TMED3: variants seen among roughly 807,000 people sequenced by gnomAD.
The protein encoded by TMED3 is transmembrane p24 trafficking protein 3, also known as transmembrane emp24 domain-containing protein 3.
Under a neutral mutation model 15.0 loss-of-function variants are expected in TMED3, and 9 were observed. The observed-to-expected ratio is 0.60, with a 90% CI of 0.36 to 1.04. The LOEUF is 1.04. TMED3 is among the 50% of genes least tolerant of loss of function. The probability of loss-of-function intolerance (pLI) is 0.01; values close to 1 mark genes in which losing one functional copy is unlikely to be tolerated. For missense variants in TMED3, 267 were observed against 278.9 expected (o/e 0.96, Z 0.30); for synonymous variants, 117 against 121.4 (o/e 0.96, Z 0.24).
downstream of TMED3, among the ~76,000 whole-genome samples, chr15:79,327,307 A>G (rs546550932): frequency 5.9e-5 from 9 of 152,334 alleles, no homozygotes; most frequent in East Asian, 3.9e-4. Flanking sequence ...AAATCTGCCA[A>G]TGCCTTAATC....
chr15:79,409,178 G>A (rs921415140), intron 2 of TMED3, among the ~76,000 whole-genome samples: 5 of 152,204 alleles, frequency 3.3e-5, no homozygotes, highest in African/African-American at 2.4e-5. Context: ...AGGACAGGTC[G>A]AGGAGTTACA....
At chr15:79,341,758 G>T (rs972981377) in intron 2 of TMED3, among the ~76,000 whole-genome samples, 1 of 152,192 alleles carries the variant, frequency 6.6e-6, no homozygotes, top group Non-Finnish European at 1.5e-5. Flanking sequence ...AGGAAGGACC[G>T]CATGATCTCT....
At chr15:79,376,226 CTTTAAG>C (rs1391148386) in intron 2 of TMED3, among the ~76,000 whole-genome samples, 1 of 148,962 alleles carries the variant, frequency 6.7e-6, no homozygotes, top group Non-Finnish European at 1.5e-5. Flanking sequence ...AGAAAGATTT[CTTTAAG>C]TTAAAGTATA....
intron 2 of TMED3, among the ~76,000 whole-genome samples, chr15:79,368,055 C>T (rs560320685): frequency 1.3e-5 from 2 of 152,138 alleles, no homozygotes; most frequent in South Asian, 4.2e-4. Flanking sequence ...TGGTGGGGAC[C>T]CAGGTTTCTG....
At chr15:79,396,255 T>C (rs1893762044) in intron 2 of TMED3, among the ~76,000 whole-genome samples, 2 of 152,246 alleles carry the variant, frequency 1.3e-5, no homozygotes, top group African/African-American at 4.8e-5. Flanking sequence ...TGCCAACATT[T>C]GGTGGTATAA....
rs200000794 is a variant in TMED3 at position 79,338,730 on chromosome 15, A to AC, written c.417+24725_417+24726insC. 9.9e-3 allele frequency among the ~76,000 whole-genome samples: 1,513 copies of AC among 152,274 alleles called. 30 individuals are homozygous for AC. Among genetic ancestry groups the AC allele is most frequent in the African/African-American group, 0.034 (1,424 of 41,526 alleles). ...AGATAAGAGCTGAGGGGACATAGTGAGGAGTGACCAGAAGACAGAGTGCGA... is the reference window on the plus strand; with the variant it reads ...AGATAAGAGCTGAGGGGACATAGTGACGGAGTGACCAGAAGACAGAGTGCGA... On this transcript the variant is annotated intron_variant, in intron 2 of 2. Transcript: ENST00000424155.
chr15:79,314,792 G>A (rs1410169862), intron 2 of TMED3: 4 of 267,962 alleles, frequency 1.5e-5, no homozygotes, highest in Non-Finnish European at 3.1e-5. Flanking sequence ...GGCTGTCAAG[G>A]TTCATTATTC....
At chr15:79,339,650 GGGT>G (rs1364525498) in intron 2 of TMED3, among the ~76,000 whole-genome samples, 1 of 152,150 alleles carries the variant, frequency 6.6e-6, no homozygotes, top group African/African-American at 2.4e-5. Flanking sequence ...AGCTGCTAGC[GGGT>G]GGTGATGACA....
intron 2 of TMED3, among the ~76,000 whole-genome samples, chr15:79,396,295 T>G (rs1199370847): frequency 6.6e-6 from 1 of 152,218 alleles, no homozygotes; most frequent in African/African-American, 2.4e-5. Flanking sequence ...TGCTTGCAGA[T>G]TCTGTGAGTC....
downstream of TMED3, among the ~76,000 whole-genome samples, chr15:79,323,403 T>G (rs1302283282): frequency 6.6e-6 from 1 of 152,256 alleles, no homozygotes; most frequent in Admixed American, 6.5e-5. Flanking sequence ...AAGCCTCACT[T>G]ATTTAGCTTG....
At chr15:79,356,026 A>T (rs185603621) in intron 2 of TMED3, among the ~76,000 whole-genome samples, 11 of 152,342 alleles carry the variant, frequency 7.2e-5, no homozygotes, top group African/African-American at 2.6e-4. Flanking sequence ...CTTCTGGTCC[A>T]GCTTGTCCTC....
chr15:79,405,871 C>T (rs1893896145), intron 2 of TMED3, among the ~76,000 whole-genome samples: 1 of 152,170 alleles, frequency 6.6e-6, no homozygotes, highest in South Asian at 2.1e-4. Context: ...GATGTGTACT[C>T]CTGTCCTTCC....
chr15:79,345,570 A>G (rs1331108304), intron 2 of TMED3, among the ~76,000 whole-genome samples: 1 of 152,066 alleles, frequency 6.6e-6, no homozygotes, highest in African/African-American at 2.4e-5. Flanking sequence ...TAGGTTGTTG[A>G]TTCCATGTCT....
intron 2 of TMED3, among the ~76,000 whole-genome samples, chr15:79,360,621 G>A (rs962927950): frequency 5.9e-5 from 9 of 152,108 alleles, no homozygotes; most frequent in Admixed American, 3.3e-4. Context: ...GTTAGACCGC[G>A]ACATCCCAAC....
chr15:79,382,922 C>G (rs1026276816), intron 2 of TMED3: 1 of 1,520,676 alleles, frequency 6.6e-7, no homozygotes, highest in Non-Finnish European at 8.8e-7. Flanking sequence ...TTCCCATTGA[C>G]AAAGTCAATT....
chr15:79,403,044 C>A (rs1246730072), intron 2 of TMED3, among the ~76,000 whole-genome samples: 1 of 151,128 alleles, frequency 6.6e-6, no homozygotes, highest in Non-Finnish European at 1.5e-5. Flanking sequence ...CACAGAGAAA[C>A]CCTGTCTCTA....
At chr15:79,386,292 T>A (rs1487392250) in intron 2 of TMED3, among the ~76,000 whole-genome samples, 5 of 152,222 alleles carry the variant, frequency 3.3e-5, no homozygotes. Context: ...TATGTGCTTT[T>A]GACCATAATA....
In TMED3 at chr15:79,411,508, A is replaced by G; in HGVS notation, c.*4A>G. The G allele has an allele frequency of 2.8e-6, 2 of 702,014 alleles. No homozygotes were observed. Among genetic ancestry groups the G allele is most frequent in the Non-Finnish European group, 5.2e-6 (2 of 384,856 alleles). 43.5% of individuals were successfully genotyped at this position (702,014 alleles called of 1,614,324 possible). ...GGGACGACTGGCACCCTCCTAACAG[A>G]TTTTCAGCGGGGAGGCACTGAGAGT... On this transcript the variant is annotated 3_prime_UTR_variant, in exon 3 of 3. Coordinates refer to the TMED3 transcript ENST00000424155.
chr15:79,322,911 A>G (rs976148344), downstream of TMED3: 2 of 984,552 alleles, frequency 2.0e-6, no homozygotes, highest in Non-Finnish European at 1.2e-6. Flanking sequence ...GGGTGTGTGC[A>G]TAAATAATTA....
Sources: allele counts gnomAD v4.1 joint callset (sites outside exome capture counted in the v4.1 genomes callset), GRCh38; gene constraint gnomAD v4.1.1; transcripts MANE v1.5; gene names NCBI Gene and HGNC (gene_info 2026-07-23, HGNC 2026-07-21).